ZNF385D: variants seen among roughly 807,000 people sequenced by gnomAD.
The protein encoded by ZNF385D is zinc finger protein 659.
In ZNF385D, 15 loss-of-function variants were observed where a neutral mutation model predicts 35.8. That is an observed-to-expected ratio of 0.42 (90% CI 0.28 to 0.64). The LOEUF is 0.64. Ranked by LOEUF, ZNF385D falls within the 30% of genes least tolerant of loss-of-function variation. ZNF385D has a pLI of 0.23. For synonymous variants in ZNF385D, 212 were observed against 186.8 expected (o/e 1.13, Z -1.10); for missense variants, 474 against 494.6 (o/e 0.96, Z 0.39).
At chr3:22,218,181 T>G (rs143786590) in intron 2 of ZNF385D, among the ~76,000 whole-genome samples, 1 of 152,224 alleles carries the variant, frequency 6.6e-6, no homozygotes, top group African/African-American at 2.4e-5. Flanking sequence ...TTAGATCAAT[T>G]TGGAAAAATT....
chr3:22,202,844 TA>T (rs1696893784), intron 2 of ZNF385D, among the ~76,000 whole-genome samples: 2 of 152,240 alleles, frequency 1.3e-5, no homozygotes, highest in South Asian at 4.1e-4. Flanking sequence ...AGCATTTAGA[TA>T]AGCTCTAGAC....
intron 5 of ZNF385D, among the ~76,000 whole-genome samples, chr3:21,429,569 A>C (rs974655254): frequency 6.6e-6 from 1 of 152,072 alleles, no homozygotes; most frequent in African/African-American, 2.4e-5. Flanking sequence ...ATAGCTTTTC[A>C]TAAGTGGTAT....
At position 21,539,642 on chromosome 3, in the gene ZNF385D, A is replaced by G. The variant is rs1036337672; in HGVS notation, c.276+24932T>C. ...AAAAATACAACAAAATACAAGAAAG[A>G]GAAAAATAGTTTCTTTATGGAATAC... is the stretch of plus-strand genomic sequence containing the variant. On this transcript the variant is annotated intron_variant, in intron 3 of 7. Transcript: ENST00000281523. The surrounding 1 kb of genome is among the most constrained non-coding windows in gnomAD (Gnocchi z 4.0). 6.6e-6 allele frequency among the ~76,000 whole-genome samples: 1 copy of G among 152,130 alleles called. No individual in the cohort carries two copies. Among genetic ancestry groups the G allele is most frequent in the Non-Finnish European group, 1.5e-5 (1 of 67,988 alleles).
intron 2 of ZNF385D, among the ~76,000 whole-genome samples, chr3:22,308,797 T>C (rs1343511511): frequency 6.6e-6 from 1 of 152,144 alleles, no homozygotes; most frequent in African/African-American, 2.4e-5. Flanking sequence ...AACATTATCA[T>C]TCAGAATATG....
chr3:21,481,659 G>T (rs1006567472), intron 4 of ZNF385D, among the ~76,000 whole-genome samples: 2 of 152,036 alleles, frequency 1.3e-5, no homozygotes, highest in Non-Finnish European at 2.9e-5. Flanking sequence ...TCCACAAAGT[G>T]CTGGGATTAC....
intron 1 of ZNF385D, among the ~76,000 whole-genome samples, chr3:21,669,419 C>T (rs1575429849): frequency 6.6e-6 from 1 of 151,822 alleles, no homozygotes; most frequent in South Asian, 2.1e-4. Context: ...TTGTTTCGGT[C>T]AATTTAAAAG....
chr3:21,749,238 G>A (rs1361545495), intron 1 of ZNF385D, among the ~76,000 whole-genome samples: 1 of 152,108 alleles, frequency 6.6e-6, no homozygotes, highest in African/African-American at 2.4e-5. Flanking sequence ...CTTTACAAGA[G>A]GCTGAACTAG....
At chr3:21,812,774 G>C (rs62239201) in intron 3 of ZNF385D, among the ~76,000 whole-genome samples, 35,507 of 152,190 alleles carry the variant, frequency 0.23, 4,624 homozygotes, top group Middle Eastern at 0.31. Flanking sequence ...TGGGGGCAGG[G>C]AATAGCTGAA....
intron 3 of ZNF385D, among the ~76,000 whole-genome samples, chr3:22,104,289 A>G (rs1702093541): frequency 6.6e-6 from 1 of 151,888 alleles, no homozygotes; most frequent in Non-Finnish European, 1.5e-5. Flanking sequence ...CATTCACTAA[A>G]ATTCACTGAG....
chr3:21,482,346 T>G (rs1383278979), intron 4 of ZNF385D, among the ~76,000 whole-genome samples: 2 of 152,222 alleles, frequency 1.3e-5, no homozygotes, highest in African/African-American at 4.8e-5. Context: ...CACTCATTTA[T>G]GTATGATCTA....
At chr3:21,787,941 C>CAAGAAAAAAA (rs2071762948) in intron 3 of ZNF385D, among the ~76,000 whole-genome samples, 2 of 29,756 alleles carry the variant, frequency 6.7e-5, no homozygotes, top group South Asian at 4.1e-3. Context: ...GACTTCGTCT[C>CAAGAAAAAAA]AACAAAAAAA....
chr3:22,170,747 A>T (rs1262539224), intron 2 of ZNF385D, among the ~76,000 whole-genome samples: 7 of 152,148 alleles, frequency 4.6e-5, no homozygotes, highest in Admixed American at 3.9e-4. Context: ...GTATCTATCC[A>T]GGTTATAATC....
At chr3:21,756,603 T>C (rs941053341) in intron 3 of ZNF385D, among the ~76,000 whole-genome samples, 1 of 152,124 alleles carries the variant, frequency 6.6e-6, no homozygotes, top group African/African-American at 2.4e-5. Context: ...TTAGGAAGTA[T>C]AGATTGAAAA....
intron 3 of ZNF385D, among the ~76,000 whole-genome samples, chr3:22,110,119 A>C (rs1702434619): frequency 6.6e-6 from 1 of 152,136 alleles, no homozygotes; most frequent in Non-Finnish European, 1.5e-5. Flanking sequence ...AATGGCAATC[A>C]TTAAAAAGTC....
In ZNF385D at chr3:21,846,055, A is replaced by G. The variant is rs150640126; in HGVS notation, c.326-181027T>C. ...AACATACAGAAAACATTTCTTCCCCAAAGTCTGAATGAACACTTAGGCTGT... is the reference window on the plus strand; with the variant it reads ...AACATACAGAAAACATTTCTTCCCCGAAGTCTGAATGAACACTTAGGCTGT... On this transcript the variant is annotated intron_variant, in intron 3 of 5. Transcript: ENST00000494108. Among the ~76,000 whole-genome samples the G allele has an allele frequency of 3.9e-3, 589 of 152,082 alleles. 3 individuals are homozygous for G. The highest frequency in any genetic ancestry group is 0.014 in the African/African-American group (563 of 41,558).
At chr3:22,235,936 C>G (rs1699155067) in intron 2 of ZNF385D, among the ~76,000 whole-genome samples, 1 of 152,034 alleles carries the variant, frequency 6.6e-6, no homozygotes, top group South Asian at 2.1e-4. Flanking sequence ...CAAAACTGCA[C>G]ATGCACTTTA....
At chr3:21,737,014 A>G (rs1364897275) in intron 1 of ZNF385D, among the ~76,000 whole-genome samples, 1 of 152,130 alleles carries the variant, frequency 6.6e-6, no homozygotes, top group Admixed American at 6.5e-5. Context: ...ATCTCGGCTC[A>G]CTGCAACCTC....
chr3:21,779,489 T>G (rs67744416), intron 3 of ZNF385D, among the ~76,000 whole-genome samples: 12,882 of 152,016 alleles, frequency 0.085, 857 homozygotes, highest in East Asian at 0.34. Context: ...TTTACTATAT[T>G]TTGGATGTAA....
chr3:21,922,744 TAA>T (rs886252889), intron 3 of ZNF385D, among the ~76,000 whole-genome samples: 36 of 152,134 alleles, frequency 2.4e-4, no homozygotes, highest in African/African-American at 8.4e-4. Context: ...AATTTATGGC[TAA>T]GTCTTCAAAA....
Sources: gnomAD v4.1 joint callset for allele counts (sites outside exome capture counted in the v4.1 genomes callset) on GRCh38, gnomAD v4.1.1 for gene constraint, Gnocchi (gnomAD v3.1) non-coding constraint, MANE v1.5 for transcripts, NCBI Gene and HGNC (gene_info 2026-07-23, HGNC 2026-07-21) for gene names.